The following CD226 variants were observed in gnomAD, a reference collection of about 807,000 sequenced individuals.
The protein encoded by CD226 is CD226 molecule.
CD226 carries 24 observed loss-of-function variants against 34.9 expected under a neutral mutation model. The ratio of observed to expected loss-of-function variants is 0.69; its 90% CI spans 0.50 to 0.97. CD226 has a LOEUF of 0.97. Ranked by LOEUF, CD226 falls within the 50% of genes least tolerant of loss-of-function variation. The pLI is 0.00. For synonymous variants in CD226, 148 were observed against 147.4 expected (o/e 1.00, Z -0.03); for missense variants, 397 against 412.7 (o/e 0.96, Z 0.33).
intron 3 of CD226, among the ~76,000 whole-genome samples, chr18:69,876,424 A>C (rs1405577120): frequency 6.6e-6 from 1 of 152,242 alleles, no homozygotes; most frequent in Non-Finnish European, 1.5e-5. Context: ...GCATTGTTTC[A>C]TAGGAAATAT....
chr18:69,873,411 G>C (rs1024086621), intron 3 of CD226, among the ~76,000 whole-genome samples, 165 bp from the exon 4 acceptor site: 1 of 152,076 alleles, frequency 6.6e-6, no homozygotes, highest in South Asian at 2.1e-4. Flanking sequence ...TTTTCTTTTA[G>C]AGTCTCCTAA....
intron 3 of CD226, among the ~76,000 whole-genome samples, chr18:69,891,215 G>C (rs1465272326): frequency 6.6e-6 from 1 of 151,324 alleles, no homozygotes; most frequent in Admixed American, 6.6e-5. Flanking sequence ...TTAACAAAGT[G>C]ATATAAAAAG....
rs1982712690 is a variant in CD226 at position 69,859,496 on chromosome 18, G to A, written c.*4818C>T. ...TATTTTAATACAAATATTTCTGAAA[G>A]AGACATGAGAAGAGTATTTTATGTG... On this transcript the variant is annotated 3_prime_UTR_variant, in exon 6 of 6. Coordinates refer to ENST00000582621, the MANE Select transcript of CD226 (RefSeq NM_001303618.2). The A allele has an allele frequency of 6.6e-6, 1 of 151,944 alleles. No individual in the cohort carries two copies. Among genetic ancestry groups the A allele is most frequent in the African/African-American group, 2.4e-5 (1 of 41,364 alleles). The allele number at this position is 151,944 out of a possible 1,614,324, so 9.4% of individuals were successfully genotyped here. A position where few individuals can be genotyped will look rare whatever the true frequency, so the allele number is the denominator to read the frequency against.
At chr18:69,939,192 G>A (rs2055692496) in intron 2 of CD226, among the ~76,000 whole-genome samples, 1 of 152,196 alleles carries the variant, frequency 6.6e-6, no homozygotes, top group South Asian at 2.1e-4. Flanking sequence ...CCCTGACTAT[G>A]AGCCTTAAAG....
chr18:69,958,398 T>C (rs1228723182), upstream of CD226, among the ~76,000 whole-genome samples: 4 of 152,152 alleles, frequency 2.6e-5, no homozygotes, highest in African/African-American at 9.7e-5. Context: ...CAATCTGCCA[T>C]CGTTGGGGCT....
chr18:69,934,525 A>C (rs1393981894), intron 2 of CD226, among the ~76,000 whole-genome samples: 1 of 152,226 alleles, frequency 6.6e-6, no homozygotes, highest in African/African-American at 2.4e-5. Context: ...GGCCACGGTC[A>C]CCACTGTGTG....
chr18:69,908,119 C>T (rs1430752934), intron 2 of CD226, among the ~76,000 whole-genome samples: 1 of 152,232 alleles, frequency 6.6e-6, no homozygotes, highest in Admixed American at 6.5e-5. Flanking sequence ...AATCTCTCAG[C>T]CACTGAATCC....
chr18:69,896,002 C>G lies in CD226; in HGVS notation c.426G>C (p.Ser142=), dbSNP rs764847260. 1.2e-6 allele frequency: 2 copies of G among 1,613,028 alleles called. No individual in the cohort carries two copies. The highest frequency in any genetic ancestry group is 2.2e-5 in the South Asian group (2 of 91,068). ...TGAGTGTGACATTCTTTCCAGGTTC[C>G]GAAACAATGTGGCTATTTGATGGCA... ...AAVPSNSHIV[S]EPGKNVTLTC... Residue 142 remains serine (S), a synonymous_variant, in exon 3 of 6, where the codon TCG becomes TCC. Transcript: ENST00000582621.
exon 1 of CD226, chr18:69,956,916 A>AG (rs1168692660): frequency 1.2e-4 from 18 of 152,240 alleles, no homozygotes; most frequent in African/African-American, 4.3e-4. Flanking sequence ...GCAGGAGCTG[A>AG]GGGGAGCGTT....
intron 2 of CD226, among the ~76,000 whole-genome samples, chr18:69,931,184 A>G (rs543215426): frequency 1.7e-3 from 263 of 152,274 alleles, no homozygotes; most frequent in African/African-American, 6.1e-3. Flanking sequence ...TTGAACAATG[A>G]GAACACATGG....
rs112148497 is a variant in CD226 at position 69,861,554 on chromosome 18, GTATATATATA to G, written c.*2750_*2759del. 3.1e-5 allele frequency: 4 copies of G among 127,948 alleles called. No individual in the cohort carries two copies. Among genetic ancestry groups the G allele is most frequent in the Non-Finnish European group, 6.6e-5 (4 of 60,364 alleles). The allele number at this position is 127,948 out of a possible 1,614,324, so 7.9% of individuals were successfully genotyped here. A position where few individuals can be genotyped will look rare whatever the true frequency, so the allele number is the denominator to read the frequency against. On this transcript the variant is annotated 3_prime_UTR_variant, in exon 6 of 6. Transcript: ENST00000582621. ...ATAAATTATATGTGTATATATATAT[GTATATATATA>G]TATATATATGTAAAACTTAAGAAGC... is the stretch of plus-strand genomic sequence containing the variant.
At position 69,861,715 on chromosome 18, in the gene CD226, G is replaced by A. The variant is rs1027046648; in HGVS notation, c.*2599C>T. On this transcript the variant is annotated 3_prime_UTR_variant, in exon 6 of 6. Coordinates refer to ENST00000582621, the MANE Select transcript of CD226 (RefSeq NM_001303618.2). Reference sequence around the variant, plus strand: ...TTTCTTAGTAACAATCAGAATCATAGGTGCAAAAGAGTAGAGGGGGAGAAA... The same window carrying A: ...TTTCTTAGTAACAATCAGAATCATAAGTGCAAAAGAGTAGAGGGGGAGAAA... The A allele has an allele frequency of 1.3e-5, 2 of 151,640 alleles. No homozygotes were observed. Among genetic ancestry groups the A allele is most frequent in the Non-Finnish European group, 2.9e-5 (2 of 67,848 alleles). 9.4% of individuals were successfully genotyped at this position (151,640 alleles called of 1,614,324 possible).
chr18:69,898,532 A>C (rs1240358407), intron 2 of CD226, among the ~76,000 whole-genome samples: 4 of 152,148 alleles, frequency 2.6e-5, no homozygotes, highest in African/African-American at 4.8e-5. Flanking sequence ...TTGGGGAGCA[A>C]AGTGCAGGGA....
intron 2 of CD226, among the ~76,000 whole-genome samples, chr18:69,913,453 C>A (rs1221744135): frequency 6.6e-6 from 1 of 152,026 alleles, no homozygotes; most frequent in Admixed American, 6.6e-5. Flanking sequence ...ACAAAATAAA[C>A]TTTTTATTTT....
intron 4 of CD226, among the ~76,000 whole-genome samples, chr18:69,870,806 G>A (rs372382292): frequency 6.6e-6 from 1 of 152,202 alleles, no homozygotes; most frequent in Non-Finnish European, 1.5e-5. Flanking sequence ...TACATCTGAA[G>A]CTGCAGGATT....
intron 2 of CD226, among the ~76,000 whole-genome samples, chr18:69,936,294 A>G (rs2055652739): frequency 6.6e-6 from 1 of 152,152 alleles, no homozygotes; most frequent in Non-Finnish European, 1.5e-5. Flanking sequence ...CCACAGTGAC[A>G]TGTGTTCTTG....
At chr18:69,936,206 T>C (rs540629809) in intron 2 of CD226, among the ~76,000 whole-genome samples, 107 of 136,602 alleles carry the variant, frequency 7.8e-4, no homozygotes, top group South Asian at 1.7e-3. Context: ...ATTATCTGGC[T>C]TTAGAGAGTT....
chr18:69,946,298 AAAC>A (rs1423590078), intron 2 of CD226, among the ~76,000 whole-genome samples: 2 of 151,934 alleles, frequency 1.3e-5, no homozygotes, highest in Admixed American at 6.6e-5. Flanking sequence ...GAAAGAAAGA[AAAC>A]AAACTTAGAT....
At chr18:69,900,921 C>T (rs767881569) in intron 2 of CD226, among the ~76,000 whole-genome samples, 11 of 152,062 alleles carry the variant, frequency 7.2e-5, no homozygotes, top group Admixed American at 1.3e-4. Context: ...TTAGTCATGC[C>T]TAAACGAATT....
Sources: gnomAD v4.1 joint callset for allele counts (sites outside exome capture counted in the v4.1 genomes callset) on GRCh38, gnomAD v4.1.1 for gene constraint, MANE v1.5 for transcripts, NCBI Gene and HGNC (gene_info 2026-07-23, HGNC 2026-07-21) for gene names.